PRKAG2: variants seen among roughly 807,000 people sequenced by gnomAD.
The protein encoded by PRKAG2 is protein kinase AMP-activated non-catalytic subunit gamma 2, also known as 5'-AMP-activated protein kinase subunit gamma-2.
PRKAG2 carries 26 observed loss-of-function variants against 69.6 expected under a neutral mutation model. The observed-to-expected ratio is 0.37, with a 90% CI of 0.27 to 0.52. The LOEUF is 0.52. Among genes scored for constraint, PRKAG2 ranks in the 20% least tolerant of loss-of-function variants. The pLI is 0.90. For missense variants in PRKAG2, 557 were observed against 740.0 expected, an observed-to-expected ratio of 0.75 and a Z score of 2.87; for synonymous variants, 293 against 285.0, an observed-to-expected ratio of 1.03 and a Z score of -0.28.
At chr7:151,785,620 G>A (rs959397149) in intron 2 of PRKAG2, among the ~76,000 whole-genome samples, 1 of 152,190 alleles carries the variant, frequency 6.6e-6, no homozygotes, top group Non-Finnish European at 1.5e-5. Flanking sequence ...CAGGCTAGCC[G>A]GCACCCAGAA....
rs116218852 is a variant in PRKAG2 at position 151,690,859 on chromosome 7, C to T, written c.467-15222G>A. 2.9e-3 allele frequency among the ~76,000 whole-genome samples: 435 copies of T among 152,308 alleles called. 3 individuals carry two copies. Among genetic ancestry groups the T allele is most frequent in the African/African-American group, 0.01 (418 of 41,558 alleles). On this transcript the variant is annotated intron_variant, in intron 3 of 15. Transcript: ENST00000287878. ...GAGTGCTGGGTTGTTTCCTGATGCA[C>T]CTCGGGTCTTCCACTAAGCGTGAAT...
intron 3 of PRKAG2, among the ~76,000 whole-genome samples, chr7:151,704,380 G>A (rs1295108935): frequency 6.6e-6 from 1 of 152,142 alleles, no homozygotes; most frequent in African/African-American, 2.4e-5. Context: ...TGCACATTTT[G>A]TATTCTTTTG....
At chr7:151,802,989 G>A (rs942511378) in intron 1 of PRKAG2, among the ~76,000 whole-genome samples, 1 of 149,710 alleles carries the variant, frequency 6.7e-6, no homozygotes, top group East Asian at 1.9e-4. Context: ...ACAGGGTCTC[G>A]CTCTGTTGCT....
intron 5 of PRKAG2, among the ~76,000 whole-genome samples, chr7:151,630,137 T>C (rs1487346764): frequency 3.3e-5 from 5 of 152,168 alleles, no homozygotes; most frequent in African/African-American, 1.2e-4. Context: ...GACAGCAATA[T>C]AGATAAAAAT....
At chr7:151,875,513 TC>T (rs1278963007) in intron 1 of PRKAG2, among the ~76,000 whole-genome samples, 1 of 151,258 alleles carries the variant, frequency 6.6e-6, no homozygotes, top group Non-Finnish European at 1.5e-5. Flanking sequence ...CACTGCGCAC[TC>T]CCACCCTGCC....
At position 151,781,291 on chromosome 7, in the gene PRKAG2, G is replaced by A; in HGVS notation, c.327C>T (p.Ser109=). 6.2e-7 allele frequency: 1 copy of A among 1,614,120 alleles called. No homozygotes were observed. Among genetic ancestry groups the A allele is most frequent in the Non-Finnish European group, 8.5e-7 (1 of 1,180,040 alleles). ...PGSPKTVFPF[S]YQESPPRSPR... is the part of the protein sequence containing the mutation. The stretch of plus-strand genomic sequence containing the variant: ...GGGAGCGTGGCGGGGACTCCTGGTA[G>A]GAGAACGGGAACACGGTTTTGGGAG... Residue 109 remains serine, a synonymous_variant, in exon 3 of 16, where the codon TCC becomes TCT. Coordinates refer to ENST00000287878, the MANE Select transcript of PRKAG2 (RefSeq NM_016203.4). This position sits in a 1 kb window ranked among gnomAD's most constrained non-coding sequence, Gnocchi z 6.1.
chr7:151,790,640 C>T (rs1468963545), intron 1 of PRKAG2: 4 of 152,276 alleles, frequency 2.6e-5, no homozygotes, highest in Admixed American at 2.6e-4. Context: ...AGTGAACCAT[C>T]AGGCCACACG....
At chr7:151,787,639 T>C (rs2077080307) in intron 1 of PRKAG2, among the ~76,000 whole-genome samples, 1 of 152,208 alleles carries the variant, frequency 6.6e-6, no homozygotes, top group African/African-American at 2.4e-5. Flanking sequence ...CTTCTGACTA[T>C]TGTGAATAAC....
In PRKAG2 at chr7:151,675,438, G is replaced by A. The variant is rs1247515868; in HGVS notation, c.666C>T (p.His222=). Residue 222 remains histidine (H), a synonymous_variant, in exon 4 of 16, where the codon CAC becomes CAT. Transcript: ENST00000287878. ...PTRPPLASPT[H]YAPSKAAALA... ...GACTTACGGCTTTGGAGGGAGCATA[G>A]TGTGTCGGTGATGCCAGTGGAGGCC... 6.2e-7 allele frequency: 1 copy of A among 1,614,144 alleles called. No individual in the cohort carries two copies. The highest frequency in any genetic ancestry group is 8.5e-7 in the Non-Finnish European group (1 of 1,179,992).
At chr7:151,641,299 G>C (rs1379198498) in intron 4 of PRKAG2, among the ~76,000 whole-genome samples, 2 of 142,614 alleles carry the variant, frequency 1.4e-5, no homozygotes, top group Admixed American at 7.4e-5. Context: ...CCAGGCTGGA[G>C]TGCAGTGGCA....
In PRKAG2 at chr7:151,632,119, A is replaced by C. The variant is rs751094298; in HGVS notation, c.704T>G (p.Leu235Arg). 17 of 1,408,534 alleles carry C rather than the reference A, an allele frequency of 1.2e-5. No homozygotes were observed. In the African/African-American group the frequency reaches 2.2e-4, roughly 18 times the overall value. 87.3% of individuals were successfully genotyped at this position (1,408,534 alleles called of 1,614,324 possible). ...CAGCATGCCGGCTTCCGCGGGTCCC[A>C]GGGCCGCCGCCAGCGCCGCCTGAGG... ...PSKAAALAAA[L>R]GPAEAGMLEK... The change falls in exon 5 of 16, where the codon CTG becomes CGG. Residue 235 changes from leucine to arginine, a missense_variant. Physicochemically the swap from Leu to Arg is moderately radical, Grantham distance 102. Transcript: ENST00000287878. This position sits in a 1 kb window ranked among gnomAD's most constrained non-coding sequence, Gnocchi z 4.2.
chr7:151,755,479 G>A (rs1226370622), intron 3 of PRKAG2, among the ~76,000 whole-genome samples: 1 of 152,130 alleles, frequency 6.6e-6, no homozygotes, highest in African/African-American at 2.4e-5. Flanking sequence ...CATGTGTGGT[G>A]GGGCTTGGAG....
intron 4 of PRKAG2, among the ~76,000 whole-genome samples, chr7:151,635,961 G>A (rs777740430): frequency 4.7e-5 from 7 of 150,324 alleles, no homozygotes; most frequent in Non-Finnish European, 8.8e-5. Context: ...TCCACCTCCC[G>A]GGTTCACGCC....
intron 1 of PRKAG2, among the ~76,000 whole-genome samples, chr7:151,800,040 G>T (rs953043014): frequency 1.3e-5 from 2 of 151,986 alleles, no homozygotes; most frequent in African/African-American, 4.8e-5. Context: ...CTAGATTTCT[G>T]CCTAACCAGC....
intron 3 of PRKAG2, among the ~76,000 whole-genome samples, chr7:151,763,126 C>T (rs2075521258): frequency 6.6e-6 from 1 of 152,232 alleles, no homozygotes; most frequent in Non-Finnish European, 1.5e-5. Flanking sequence ...TGAATCCATC[C>T]CCTCGCTACC....
At chr7:151,735,828 G>A in intron 3 of PRKAG2, 2 of 1,521,868 alleles carry the variant, frequency 1.3e-6, no homozygotes, top group Admixed American at 3.9e-5. Flanking sequence ...GCTTAGGAGG[G>A]TGTGCACACA....
intron 4 of PRKAG2, among the ~76,000 whole-genome samples, chr7:151,666,147 G>A (rs2151441853): frequency 6.6e-6 from 1 of 152,302 alleles, no homozygotes; most frequent in Middle Eastern, 3.4e-3. Context: ...AGTGGCTTCA[G>A]ACAACAATAA....
At chr7:151,846,326 G>C (rs2079431418) in intron 1 of PRKAG2, among the ~76,000 whole-genome samples, 1 of 152,080 alleles carries the variant, frequency 6.6e-6, no homozygotes, top group African/African-American at 2.4e-5. Flanking sequence ...AACTTAGCTG[G>C]GTGTGGTGGC....
intron 1 of PRKAG2, among the ~76,000 whole-genome samples, chr7:151,862,051 G>A (rs966292929): frequency 2.0e-5 from 3 of 152,004 alleles, no homozygotes; most frequent in African/African-American, 7.3e-5. Context: ...CCAGGAAATA[G>A]AGAGGTCCCT....
Sources: gnomAD v4.1 joint callset for allele counts (sites outside exome capture counted in the v4.1 genomes callset) on GRCh38, gnomAD v4.1.1 for gene constraint, Gnocchi (gnomAD v3.1) non-coding constraint, MANE v1.5 for transcripts, NCBI Gene and HGNC (gene_info 2026-07-23, HGNC 2026-07-21) for gene names.